The following CADPS2 variants were observed in gnomAD, a reference collection of about 807,000 sequenced individuals.
CADPS2 encodes the protein calcium dependent secretion activator 2, also known as calcium-dependent secretion activator 2.
Under a neutral mutation model 172.5 loss-of-function variants are expected in CADPS2, and 93 were observed. The ratio of observed to expected loss-of-function variants is 0.54; its 90% CI spans 0.46 to 0.64. The LOEUF (loss-of-function observed/expected upper bound fraction) is 0.64. Among genes scored for constraint, CADPS2 ranks in the 30% least tolerant of loss-of-function variants. CADPS2 has a pLI of 0.00. For synonymous variants in CADPS2, 546 were observed against 555.2 expected (o/e 0.98, Z 0.23); for missense variants, 1,420 against 1,565.9 (o/e 0.91, Z 1.57).
At chr7:122,397,680 G>C (rs2045341453) in intron 20 of CADPS2, among the ~76,000 whole-genome samples, 1 of 152,110 alleles carries the variant, frequency 6.6e-6, no homozygotes, top group Non-Finnish European at 1.5e-5. Context: ...TGTAGCCTGA[G>C]GCATCAGAGT....
chr7:122,521,778 A>G (rs2060818692), intron 8 of CADPS2, among the ~76,000 whole-genome samples: 1 of 152,168 alleles, frequency 6.6e-6, no homozygotes, highest in South Asian at 2.1e-4. Flanking sequence ...AAGCAAATGC[A>G]TAAAACATAG....
intron 9 of CADPS2, among the ~76,000 whole-genome samples, chr7:122,506,787 T>TA (rs1341296167): frequency 6.6e-6 from 1 of 150,604 alleles, no homozygotes; most frequent in African/African-American, 2.4e-5. Context: ...GAAAAATGAA[T>TA]AAATCTTCAA....
Position 122,840,099 on chromosome 7 carries a change from C to CA in CADPS2, c.339+45899dup, listed in dbSNP as rs1159218803. Among the ~76,000 whole-genome samples, 11 of 151,964 alleles carry CA rather than the reference C, an allele frequency of 7.2e-5. No homozygotes were observed. In the East Asian group the frequency reaches 1.9e-3, roughly 27 times the overall value. ...TATACACCATGGAATACTATGCAGC[C>CA]AAAAAAAGGATGAGTTCATGTCCTT... On this transcript the variant is annotated intron_variant, in intron 1 of 29. Transcript: ENST00000449022.
chr7:122,454,908 C>T (rs74654778), intron 14 of CADPS2, among the ~76,000 whole-genome samples: 256 of 152,220 alleles, frequency 1.7e-3, no homozygotes, highest in African/African-American at 5.8e-3. Context: ...TCCCTGAGTA[C>T]GCAGGCAGCC....
intron 1 of CADPS2, among the ~76,000 whole-genome samples, chr7:122,757,659 C>A (rs562379686): frequency 6.7e-6 from 1 of 150,348 alleles, no homozygotes; most frequent in East Asian, 1.9e-4. Flanking sequence ...TCTAGTAACA[C>A]TTACGTTTGG....
At chr7:122,350,848 T>C (rs1352468892) in intron 27 of CADPS2, among the ~76,000 whole-genome samples, 1 of 151,570 alleles carries the variant, frequency 6.6e-6, no homozygotes, top group Non-Finnish European at 1.5e-5. Flanking sequence ...TAGCCAGGCA[T>C]GGTGGTGCAT....
chr7:122,882,275 TTAA>T (rs1823114003), intron 1 of CADPS2, among the ~76,000 whole-genome samples: 1 of 152,166 alleles, frequency 6.6e-6, no homozygotes, highest in African/African-American at 2.4e-5. Context: ...ACAAAATGGT[TTAA>T]TAAGGCACAA....
chr7:122,652,433 A>G (rs2079255005), intron 3 of CADPS2, among the ~76,000 whole-genome samples: 1 of 152,204 alleles, frequency 6.6e-6, no homozygotes, highest in Non-Finnish European at 1.5e-5. Flanking sequence ...GTGAAATAAA[A>G]TTATTCTAAG....
At chr7:122,393,692 A>T (rs186267583) in intron 20 of CADPS2, 110 bp from the exon 21 acceptor site, 1 of 1,118,962 alleles carries the variant, frequency 8.9e-7, no homozygotes, top group African/African-American at 1.6e-5. Context: ...AGAAGAACTG[A>T]TAAAATGCAG....
At chr7:122,806,643 T>C (rs1335312350) in intron 1 of CADPS2, among the ~76,000 whole-genome samples, 1 of 152,194 alleles carries the variant, frequency 6.6e-6, no homozygotes, top group Non-Finnish European at 1.5e-5. Flanking sequence ...TATTCTAACA[T>C]AGTAATTGCA....
At chr7:122,546,312 G>A (rs995673954) in intron 8 of CADPS2, among the ~76,000 whole-genome samples, 2 of 152,048 alleles carry the variant, frequency 1.3e-5, no homozygotes, top group South Asian at 2.1e-4. Context: ...TATTAACAAC[G>A]CCCCATTCAA....
chr7:122,651,067 T>C (rs1042665328), intron 3 of CADPS2, among the ~76,000 whole-genome samples: 1 of 152,084 alleles, frequency 6.6e-6, no homozygotes, highest in Non-Finnish European at 1.5e-5. Flanking sequence ...AAATTATATA[T>C]ATATGAGAAA....
At chr7:122,502,537 T>C (rs2059287136) in intron 9 of CADPS2, among the ~76,000 whole-genome samples, 1 of 152,082 alleles carries the variant, frequency 6.6e-6, no homozygotes, top group Non-Finnish European at 1.5e-5. Context: ...AATAATTTTT[T>C]CACTGGCTGT....
rs576302497 is a variant in CADPS2, at chr7:122,543,979, T to C, written c.1475+10571A>G. On this transcript the variant is annotated intron_variant, in intron 8 of 29. Transcript: ENST00000449022. ...ATCTTATATATTGCTGGAAGAAATGTATACTGGTAGAACTATCTAGTAAAA... is the reference window on the plus strand; with the variant it reads ...ATCTTATATATTGCTGGAAGAAATGCATACTGGTAGAACTATCTAGTAAAA... 5.9e-5 allele frequency among the ~76,000 whole-genome samples: 9 copies of C among 152,292 alleles called. No homozygotes were observed. The East Asian group carries it at 1.7e-3, about 29-fold the overall frequency.
At chr7:122,561,085 GTCC>G (rs1351022139) in intron 7 of CADPS2, among the ~76,000 whole-genome samples, 2 of 152,102 alleles carry the variant, frequency 1.3e-5, no homozygotes, top group Non-Finnish European at 2.9e-5. Flanking sequence ...ATGGCTTCCT[GTCC>G]TACTTAGTGA....
At chr7:122,428,926 T>C (rs2049528457) in intron 17 of CADPS2, among the ~76,000 whole-genome samples, 1 of 152,176 alleles carries the variant, frequency 6.6e-6, no homozygotes, top group Non-Finnish European at 1.5e-5. Flanking sequence ...AGAATCATTT[T>C]TGGTAGAAAA....
intron 14 of CADPS2, among the ~76,000 whole-genome samples, chr7:122,454,781 T>C (rs1286800363): frequency 1.3e-5 from 2 of 152,198 alleles, no homozygotes; most frequent in Admixed American, 6.6e-5. Context: ...TTATCATTTA[T>C]ATAAGCTCAG....
At chr7:122,661,788 G>C (rs570332455) in intron 3 of CADPS2, among the ~76,000 whole-genome samples, 59 of 152,226 alleles carry the variant, frequency 3.9e-4, no homozygotes, top group Non-Finnish European at 7.4e-4. Flanking sequence ...CTTGAATAAA[G>C]CTCAACAAAT....
At chr7:122,477,023 GA>G (rs2056720353) in intron 12 of CADPS2, among the ~76,000 whole-genome samples, 2 of 111,090 alleles carry the variant, frequency 1.8e-5, no homozygotes, top group African/African-American at 4.0e-5. Context: ...GAGAGGAGAG[GA>G]GAGGAGAGGA....
Sources: gnomAD v4.1 joint callset for allele counts (sites outside exome capture counted in the v4.1 genomes callset) on GRCh38, gnomAD v4.1.1 for gene constraint, MANE v1.5 for transcripts, NCBI Gene and HGNC (gene_info 2026-07-23, HGNC 2026-07-21) for gene names.